SNAP47: variants seen among roughly 807,000 people sequenced by gnomAD.
SNAP47 encodes synaptosome associated protein 47.
SNAP47 carries 20 observed loss-of-function variants against 31.4 expected under a neutral mutation model. The observed-to-expected ratio is 0.64, with a 90% CI of 0.45 to 0.93. The LOEUF (loss-of-function observed/expected upper bound fraction) is 0.93, where lower values mean the gene tolerates loss of function less well. Ranked by LOEUF, SNAP47 falls within the 40% of genes least tolerant of loss-of-function variation. The pLI, the probability that SNAP47 is intolerant of heterozygous loss-of-function variation, is 0.00. For synonymous variants in SNAP47, 194 were observed against 213.4 expected (o/e 0.91, Z 0.79); for missense variants, 492 against 528.5 (o/e 0.93, Z 0.68).
chr1:227,780,411 T>C, intron 4 of SNAP47, 116 bp from the exon 5 acceptor site: 4 of 1,440,120 alleles, frequency 2.8e-6, no homozygotes, highest in Non-Finnish European at 2.8e-6. Flanking sequence ...GGCTCGCAGA[T>C]GGCATCACCC....
intron 4 of SNAP47, among the ~76,000 whole-genome samples, chr1:227,770,165 C>T (rs1415706943): frequency 6.6e-6 from 1 of 152,226 alleles, no homozygotes; most frequent in Non-Finnish European, 1.5e-5. Flanking sequence ...GGGCGACCAG[C>T]GTACCACTGC....
upstream of SNAP47, chr1:227,732,667 T>C (rs1248404902): frequency 5.6e-6 from 9 of 1,612,620 alleles, no homozygotes; most frequent in Non-Finnish European, 7.6e-6. Context: ...GAGCAGGACC[T>C]CATGATGACC....
intron 2 of SNAP47, among the ~76,000 whole-genome samples, chr1:227,757,409 G>C (rs1442760888): frequency 2.0e-5 from 3 of 152,212 alleles, no homozygotes; most frequent in Non-Finnish European, 4.4e-5. Context: ...CAGTCACTTA[G>C]AGATAAGTCA....
At chr1:227,775,121 A>C (rs1407980088) in intron 4 of SNAP47, among the ~76,000 whole-genome samples, 1 of 152,164 alleles carries the variant, frequency 6.6e-6, no homozygotes, top group Non-Finnish European at 1.5e-5. Flanking sequence ...CTTGGCCTCC[A>C]GGAATGCAGC....
chr1:227,745,384 C>T (rs1017064490), intron 1 of SNAP47, among the ~76,000 whole-genome samples: 10 of 152,138 alleles, frequency 6.6e-5, no homozygotes, highest in African/African-American at 1.4e-4. Flanking sequence ...ACTTTCCAAA[C>T]GAAATAAAAT....
chr1:227,748,848 T>C (rs1056257712), intron 2 of SNAP47, among the ~76,000 whole-genome samples: 1 of 152,262 alleles, frequency 6.6e-6, no homozygotes, highest in Non-Finnish European at 1.5e-5. Context: ...TGTTTCTTAG[T>C]ATGAAAATCC....
At chr1:227,735,694 CG>C in intron 1 of SNAP47, 195 bp downstream of exon 1, 1 of 984,542 alleles carries the variant, frequency 1.0e-6, no homozygotes, top group Non-Finnish European at 1.2e-6. Flanking sequence ...TGCGGCGGTG[CG>C]GGGGCGCCCA....
Position 227,755,568 on chromosome 1 carries a change from A to G in SNAP47, c.498-3427A>G, listed in dbSNP as rs540603671. ...TGCCCAGCTAATTTTTGAATTTTTA[A>G]TAGAGACAGGGTTTTGCCATGTTGG... On this transcript the variant is annotated intron_variant, in intron 2 of 4. Transcript: ENST00000617596. Among the ~76,000 whole-genome samples the G allele has an allele frequency of 1.9e-4, 29 of 152,056 alleles. No homozygotes were observed. The East Asian group carries it at 5.6e-3, about 29-fold the overall frequency.
upstream of SNAP47, chr1:227,730,860 G>A (rs1354223379): frequency 6.6e-6 from 1 of 152,346 alleles, no homozygotes; most frequent in Non-Finnish European, 1.5e-5. Context: ...CACCTCAGCT[G>A]CCTGCTGGCA....
At chr1:227,776,385 C>T (rs1664161666) in intron 4 of SNAP47, 3 of 986,442 alleles carry the variant, frequency 3.0e-6, no homozygotes, top group South Asian at 4.7e-5. Flanking sequence ...CTGTGGAGGT[C>T]GAACTGGCTG....
chr1:227,742,655 G>C (rs1661685728), intron 1 of SNAP47, among the ~76,000 whole-genome samples: 1 of 152,202 alleles, frequency 6.6e-6, no homozygotes, highest in South Asian at 2.1e-4. Context: ...TCTGTATAGA[G>C]GTGGTGGTGG....
chr1:227,733,762 TGAA>T (rs1170967020), upstream of SNAP47: 5 of 1,590,380 alleles, frequency 3.1e-6, no homozygotes, highest in Non-Finnish European at 4.3e-6. Flanking sequence ...CTGGTCCAAC[TGAA>T]GGAGGGGTGG....
chr1:227,734,060 G>GAC (rs1037484482), upstream of SNAP47: 11 of 1,605,936 alleles, frequency 6.8e-6, no homozygotes, highest in African/African-American at 1.3e-4. Flanking sequence ...GGGCACCACC[G>GAC]ACAGCACGTG....
At chr1:227,775,910 A>G (rs1252505051) in intron 4 of SNAP47, 1 of 1,302,634 alleles carries the variant, frequency 7.7e-7, no homozygotes, top group South Asian at 1.2e-5. Context: ...CTTTTCTTCC[A>G]GAACAGCCTT....
chr1:227,730,576 G>C (rs1249146094), upstream of SNAP47: 1 of 152,232 alleles, frequency 6.6e-6, no homozygotes, highest in East Asian at 1.9e-4. Context: ...TGTTTTTGCT[G>C]CATCTGTAAC....
rs2102917858 is a variant in SNAP47, at chr1:227,747,872, G to A, written c.136G>A (p.Val46Ile). The change falls in exon 2 of 5, where the codon GTC (valine) becomes ATC (isoleucine). Residue 46 changes from valine to isoleucine, a missense_variant. Transcript: ENST00000617596. ...GACTGACAGCACTGGAGAGATTCTG[G>A]TCAGCTTCCCCCTCTCCAGCATAGT... is the stretch of plus-strand genomic sequence containing the variant. ...FMTDSTGEILVSFPLSSIVEI... is the reference protein window; with the variant it reads ...FMTDSTGEILISFPLSSIVEI... The A allele has an allele frequency of 1.2e-6, 2 of 1,614,126 alleles. No individual in the cohort carries two copies. The highest frequency in any genetic ancestry group is 1.7e-6 in the Non-Finnish European group (2 of 1,180,014).
In SNAP47 at chr1:227,739,344, C is replaced by T. The variant is rs1428316511; in HGVS notation, c.-46+3845C>T. Among the ~76,000 whole-genome samples the T allele has an allele frequency of 2.0e-5, 3 of 152,160 alleles. No individual in the cohort carries two copies. In the East Asian group the frequency reaches 5.8e-4, roughly 29 times the overall value. ...CTGGCCAGGACGGGTTTTAAGTCAG[C>T]ACTTTGGAGAAAATGCAGTACGCTT... is the stretch of plus-strand genomic sequence containing the variant. On this transcript the variant is annotated intron_variant, in intron 1 of 4. Coordinates refer to ENST00000617596, the MANE Select transcript of SNAP47 (RefSeq NM_053052.4).
chr1:227,735,636 G>C, intron 1 of SNAP47, 137 bp downstream of exon 1: 1 of 1,323,982 alleles, frequency 7.6e-7, no homozygotes. Context: ...GGGTATGCGG[G>C]CTGCGCTGGG....
chr1:227,771,129 CCTT>C (rs1439867745), intron 4 of SNAP47, among the ~76,000 whole-genome samples: 1 of 152,080 alleles, frequency 6.6e-6, no homozygotes, highest in Non-Finnish European at 1.5e-5. Context: ...AGGCCAGGCT[CCTT>C]CTCCACTCAG....
Sources: allele counts gnomAD v4.1 joint callset (sites outside exome capture counted in the v4.1 genomes callset), GRCh38; gene constraint gnomAD v4.1.1; transcripts MANE v1.5; gene names NCBI Gene and HGNC (gene_info 2026-07-23, HGNC 2026-07-21).